The following ASIP variants were observed in gnomAD, a reference collection of about 807,000 sequenced individuals.
ASIP encodes agouti-signaling protein.
In ASIP, 11 loss-of-function variants were observed where a neutral mutation model predicts 10.3. The ratio of observed to expected loss-of-function variants is 1.07; its 90% CI spans 0.68 to 1.78. ASIP has a LOEUF of 1.78. Ranked by LOEUF, ASIP falls within the 40% of genes most tolerant of loss-of-function variation. The probability of loss-of-function intolerance (pLI) is 0.00; values close to 1 mark genes in which losing one functional copy is unlikely to be tolerated. For synonymous variants in ASIP, 70 were observed against 70.8 expected (o/e 0.99, Z 0.06); for missense variants, 180 against 169.2 (o/e 1.06, Z -0.35).
chr20:34,235,881 G>T (rs2035189583), intron 1 of ASIP, among the ~76,000 whole-genome samples: 1 of 98,596 alleles, frequency 1.0e-5, no homozygotes, highest in African/African-American at 5.5e-5. Flanking sequence ...AAGGAAGGAA[G>T]GAAGGAAGGA....
chr20:34,222,403 A>G (rs2035053632), intron 1 of ASIP, among the ~76,000 whole-genome samples: 1 of 152,170 alleles, frequency 6.6e-6, no homozygotes, highest in Non-Finnish European at 1.5e-5. Context: ...TCTTTTGAAT[A>G]ACCAGTAAGG....
chr20:34,199,376 C>T (rs1185379135), intron 1 of ASIP, among the ~76,000 whole-genome samples: 3 of 151,840 alleles, frequency 2.0e-5, no homozygotes, highest in Admixed American at 1.3e-4. Context: ...ATGTGTGTTC[C>T]GCTTTTACAG....
chr20:34,188,153 T>C, the ASIP span, among the ~76,000 whole-genome samples: 1 of 152,246 alleles, frequency 6.6e-6, no homozygotes, highest in African/African-American at 2.4e-5. Flanking sequence ...TGTGTGCCAT[T>C]CTATCCTAGT....
chr20:34,191,315 T>C (rs1236713555), upstream of ASIP, among the ~76,000 whole-genome samples: 1 of 152,200 alleles, frequency 6.6e-6, no homozygotes, highest in Non-Finnish European at 1.5e-5. Flanking sequence ...CTGTCACCCC[T>C]GGCGCTCTTT....
In ASIP at chr20:34,269,004, T is replaced by C; in HGVS notation, c.236T>C (p.Met79Thr). The C allele has an allele frequency of 6.2e-7, 1 of 1,607,190 alleles. No homozygotes were observed. The highest frequency in any genetic ancestry group is 8.5e-7 in the Non-Finnish European group (1 of 1,177,502). ...KKRSSKKEAS[M>T]KKVVRPRTPL... is the part of the protein sequence containing the mutation. ...TTTCCCACGCAGAAGGAGGCTTCGA[T>C]GAAGAAAGTGGTGCGGCCCCGGACC... The change falls in exon 4 of 4, where the codon ATG becomes ACG. Residue 79 changes from methionine to threonine, a missense_variant. Coordinates refer to ENST00000374954, the MANE Select transcript of ASIP (RefSeq NM_001672.3).
chr20:34,268,845 C>G, intron 3 of ASIP, 146 bp from the exon 4 acceptor site: 6 of 970,408 alleles, frequency 6.2e-6, no homozygotes, highest in Non-Finnish European at 9.3e-6. Context: ...GGGAATCTGA[C>G]TGGGGGAGCG....
intron 1 of ASIP, among the ~76,000 whole-genome samples, chr20:34,219,569 T>C (rs1306030098): frequency 6.6e-6 from 1 of 152,228 alleles, no homozygotes; most frequent in African/African-American, 2.4e-5. Flanking sequence ...ATATAATTAA[T>C]AAATTTGTTT....
intron 1 of ASIP, among the ~76,000 whole-genome samples, chr20:34,203,711 T>C (rs1320762255): frequency 3.3e-5 from 5 of 152,086 alleles, no homozygotes; most frequent in East Asian, 1.9e-4. Context: ...AAGTGGCGTA[T>C]TTTAATTTTA....
rs528259258 is a variant in ASIP at position 34,218,982 on chromosome 20, G to A, written c.-11+24222G>A. On this transcript the variant is annotated intron_variant, in intron 1 of 3. Transcript: ENST00000568305. ...CTGGCCCCTTTTCAGCAATTTTAACGTAACCCTCTGAAGTTTCTCAAACTA... is the reference window on the plus strand; with the variant it reads ...CTGGCCCCTTTTCAGCAATTTTAACATAACCCTCTGAAGTTTCTCAAACTA... 6.6e-5 allele frequency among the ~76,000 whole-genome samples: 10 copies of A among 152,100 alleles called. 1 individual carries two copies. In the East Asian group the frequency reaches 1.2e-3, roughly 18 times the overall value.
chr20:34,205,646 G>GTCTATTTTACAGAGCGCTGATTTC (rs1568745991), intron 1 of ASIP, among the ~76,000 whole-genome samples: 1 of 146,698 alleles, frequency 6.8e-6, no homozygotes, highest in Non-Finnish European at 1.5e-5. Flanking sequence ...CTGTCGCTTG[G>GTCTATTTTACAGAGCGCTGATTTC]TCTATTTTAC....
intron 1 of ASIP, among the ~76,000 whole-genome samples, chr20:34,245,519 C>T (rs1296521126): frequency 1.3e-5 from 2 of 151,424 alleles, no homozygotes; most frequent in African/African-American, 4.8e-5. Flanking sequence ...TCCTGAGTAG[C>T]TGGGACTACA....
At chr20:34,243,071 C>T (rs1175833102) in intron 1 of ASIP, among the ~76,000 whole-genome samples, 1 of 152,204 alleles carries the variant, frequency 6.6e-6, no homozygotes, top group African/African-American at 2.4e-5. Flanking sequence ...ATTCCTTGTA[C>T]ACTGTGGGAA....
intron 1 of ASIP, among the ~76,000 whole-genome samples, chr20:34,201,049 T>TTTCTTTCTTTCTTTCTTTCTTTCTTTCC (rs1568744554): frequency 8.0e-6 from 1 of 124,886 alleles, no homozygotes; most frequent in Non-Finnish European, 1.8e-5. Context: ...TCTTTCTTTC[T>TTTCTTTCTTTCTTTCTTTCTTTCTTTCC]TTCTTTCTTT....
At chr20:34,265,544 A>G (rs182574310) in intron 3 of ASIP, among the ~76,000 whole-genome samples, 3 of 152,192 alleles carry the variant, frequency 2.0e-5, no homozygotes, top group Admixed American at 6.5e-5. Flanking sequence ...AGGATTTTTG[A>G]CTGTGTGTAA....
chr20:34,197,323 T>C (rs1362405432), intron 1 of ASIP, among the ~76,000 whole-genome samples: 3 of 152,156 alleles, frequency 2.0e-5, no homozygotes, highest in Admixed American at 6.5e-5. Flanking sequence ...ATCGTGCCAC[T>C]GCACTCTAGC....
intron 1 of ASIP, among the ~76,000 whole-genome samples, chr20:34,225,470 G>C (rs908108323): frequency 5.9e-5 from 9 of 151,624 alleles, no homozygotes; most frequent in Non-Finnish European, 1.3e-4. Context: ...TTTAACATCT[G>C]ACAGGATGTG....
At chr20:34,247,208 A>C (rs536261186) in intron 1 of ASIP, among the ~76,000 whole-genome samples, 2 of 151,852 alleles carry the variant, frequency 1.3e-5, no homozygotes, top group Admixed American at 1.3e-4. Context: ...TTTAGAAAAG[A>C]CTGATTTAAA....
intron 1 of ASIP, chr20:34,213,354 C>T (rs1010730595): frequency 3.7e-6 from 2 of 538,254 alleles, no homozygotes; most frequent in Admixed American, 6.5e-5. Context: ...TATAGCAGCA[C>T]AAAACAGTCT....
rs974335274 is a variant in ASIP at position 34,214,669 on chromosome 20, A to G, written c.-11+19909A>G. On this transcript the variant is annotated intron_variant, in intron 1 of 3. Transcript: ENST00000568305. Reference sequence around the variant, plus strand: ...CAGTTGTTTTCTATATTCTACAAACATGGCTTTATCTTGACCCTCATTTTC... The same window carrying G: ...CAGTTGTTTTCTATATTCTACAAACGTGGCTTTATCTTGACCCTCATTTTC... 28 of 1,080,180 alleles carry G rather than the reference A, an allele frequency of 2.6e-5. No homozygotes were observed. In the African/African-American group the frequency reaches 4.0e-4, roughly 15 times the overall value. The allele number at this position is 1,080,180 out of a possible 1,614,324, so 66.9% of individuals were successfully genotyped here. A position where few individuals can be genotyped will look rare whatever the true frequency, so the allele number is the denominator to read the frequency against.
Sources: allele counts gnomAD v4.1 joint callset (sites outside exome capture counted in the v4.1 genomes callset), GRCh38; gene constraint gnomAD v4.1.1; transcripts MANE v1.5; gene names NCBI Gene and HGNC (gene_info 2026-07-23, HGNC 2026-07-21).